Variants in SPATA13 observed in about 807,000 individuals in gnomAD.
SPATA13 encodes spermatogenesis-associated protein 13.
In SPATA13, 50 loss-of-function variants were observed where a neutral mutation model predicts 104.0. The ratio of observed to expected loss-of-function variants is 0.48; its 90% CI spans 0.38 to 0.61. The LOEUF is 0.61. Ranked by LOEUF, SPATA13 falls within the 20% of genes least tolerant of loss-of-function variation. The pLI is 0.00. For missense variants in SPATA13, 1,524 were observed against 1,690.6 expected (o/e 0.90, Z 1.73); for synonymous variants, 606 against 667.5 (o/e 0.91, Z 1.42).
At chr13:24,166,927 CA>C (rs1882757509) in intron 1 of SPATA13, among the ~76,000 whole-genome samples, 1 of 152,238 alleles carries the variant, frequency 6.6e-6, no homozygotes, top group South Asian at 2.1e-4. Flanking sequence ...ATTTCAACAT[CA>C]AAATTTTGGA....
rs192050568 is a variant in SPATA13, at chr13:24,008,215, G to C, written c.-146-9452G>C. On this transcript the variant is annotated intron_variant, in intron 2 of 14. Coordinates refer to the SPATA13 transcript ENST00000424834. ...CATAAAGAGATTTCAGTCACCTAAA[G>C]CTCTTGATGATCAGACCAGGTTATC... 3.3e-5 allele frequency among the ~76,000 whole-genome samples: 5 copies of C among 152,372 alleles called. No individual in the cohort carries two copies. In the East Asian group the frequency reaches 9.7e-4, roughly 29 times the overall value.
At chr13:24,023,260 T>G (rs1466481649) in intron 3 of SPATA13, among the ~76,000 whole-genome samples, 1 of 152,210 alleles carries the variant, frequency 6.6e-6, no homozygotes, top group African/African-American at 2.4e-5. Context: ...GGACATGAAC[T>G]CATCCTTTTT....
rs577514384 is a variant in SPATA13 at position 24,255,722 on chromosome 13, T to C, written c.2164+3860T>C. Among the ~76,000 whole-genome samples, 3 of 152,284 alleles carry C rather than the reference T, an allele frequency of 2.0e-5. No individual in the cohort carries two copies. In the South Asian group the frequency reaches 6.2e-4, roughly 32 times the overall value. On this transcript the variant is annotated intron_variant, in intron 4 of 12. Coordinates refer to ENST00000382108, the MANE Select transcript of SPATA13 (RefSeq NM_001166271.3). ...GTGGTGAGACTCACATGATAGACCA[T>C]CTCTAGCATTTCCATCCCAGTCCTG...
chr13:24,100,350 T>A (rs1880217719), intron 3 of SPATA13, among the ~76,000 whole-genome samples: 1 of 152,220 alleles, frequency 6.6e-6, no homozygotes, highest in South Asian at 2.1e-4. Flanking sequence ...ACTTTCCACT[T>A]TCTCCTGCTG....
At chr13:24,084,562 A>C (rs1339927571) in intron 3 of SPATA13, among the ~76,000 whole-genome samples, 2 of 151,864 alleles carry the variant, frequency 1.3e-5, no homozygotes, top group African/African-American at 2.4e-5. Flanking sequence ...GCAACACTAC[A>C]CAGTTCTTCA....
Position 24,268,086 on chromosome 13 carries a change from A to G in SPATA13, c.2165-16049A>G, listed in dbSNP as rs911806837. Among the ~76,000 whole-genome samples the G allele has an allele frequency of 2.6e-5, 4 of 152,222 alleles. No individual in the cohort carries two copies. The East Asian group carries it at 7.7e-4, about 29-fold the overall frequency. On this transcript the variant is annotated intron_variant, in intron 4 of 12. Coordinates refer to ENST00000382108, the MANE Select transcript of SPATA13 (RefSeq NM_001166271.3). ...GGATACTTTCTTTTGGTGTAGTAAT[A>G]TGTGTTGTCATAAAAAAAGAGCGTC...
intron 3 of SPATA13, among the ~76,000 whole-genome samples, chr13:24,124,555 C>T (rs539935988): frequency 1.3e-5 from 2 of 152,300 alleles, no homozygotes; most frequent in Non-Finnish European, 2.9e-5. Context: ...GTGAGAATGG[C>T]AGTCCTGGAG....
intron 3 of SPATA13, among the ~76,000 whole-genome samples, chr13:24,093,408 G>A (rs1285478778): frequency 1.3e-5 from 2 of 152,186 alleles, no homozygotes; most frequent in African/African-American, 4.8e-5. Context: ...GAGGACGTAT[G>A]GTTAGTGATC....
In SPATA13 at chr13:24,083,214, A is replaced by AC. The variant is rs200809246; in HGVS notation, c.-112+65518dup. 2.6e-5 allele frequency among the ~76,000 whole-genome samples: 4 copies of AC among 152,204 alleles called. No individual in the cohort carries two copies. In the East Asian group the frequency reaches 7.7e-4, roughly 29 times the overall value. On this transcript the variant is annotated intron_variant, in intron 3 of 14. Coordinates refer to the SPATA13 transcript ENST00000424834. ...GTAAGTTCTCTATCAGCCAGTGGAG[A>AC]CCCCCTAGGGCAATAGAATAGAAAG...
At chr13:24,293,905 A>C (rs186353489) in intron 9 of SPATA13, among the ~76,000 whole-genome samples, 178 of 152,322 alleles carry the variant, frequency 1.2e-3, no homozygotes, top group Non-Finnish European at 2.1e-3. Context: ...GGAGGATTCT[A>C]ATTCATTCCA....
At chr13:24,160,979 G>C in intron 1 of SPATA13, 47 bp downstream of exon 1, 1 of 963,092 alleles carries the variant, frequency 1.0e-6, no homozygotes, top group Non-Finnish European at 1.2e-6. Context: ...GCGCGGGCAT[G>C]GGCTGTTAGG....
rs1175226422 is a variant in SPATA13, at chr13:24,300,422, A to G, written c.3605A>G (p.Gln1202Arg). The G allele has an allele frequency of 4.3e-6, 7 of 1,613,462 alleles. No individual in the cohort carries two copies. The highest frequency in any genetic ancestry group is 5.9e-6 in the Non-Finnish European group (7 of 1,179,874). The change falls in exon 12 of 13, where the codon CAG becomes CGG. Residue 1202 changes from glutamine (Q) to arginine (R), a missense_variant. By Grantham distance (43) the Gln-to-Arg change is conservative. Transcript: ENST00000382108. ...GCAGGAATGGAAATTTCAGAAAACC[A>G]GAAGAAACTTGCCATGTTAAATGCT... The part of the protein sequence containing the change: ...KEMGMEISEN[Q>R]KKLAMLNAQK...
intron 3 of SPATA13, among the ~76,000 whole-genome samples, chr13:24,150,947 C>T (rs76233018): frequency 0.015 from 2,322 of 152,188 alleles, 80 homozygotes; most frequent in African/African-American, 0.053. Context: ...GCGCCATGGC[C>T]CAGCCAAATT....
intron 1 of SPATA13, among the ~76,000 whole-genome samples, chr13:24,211,448 G>A (rs1347277958): frequency 6.6e-6 from 1 of 152,148 alleles, no homozygotes; most frequent in African/African-American, 2.4e-5. Context: ...TTTGTTGAGA[G>A]TTTTTATCAT....
At position 24,290,932 on chromosome 13, in the gene SPATA13, C is replaced by G. The variant is rs527252944; in HGVS notation, c.3080+48C>G. 5.5e-6 allele frequency: 8 copies of G among 1,467,556 alleles called. No individual in the cohort carries two copies. In the South Asian group the frequency reaches 9.6e-5, roughly 18 times the overall value. The allele number at this position is 1,467,556 out of a possible 1,614,324, so 90.9% of individuals were successfully genotyped here. A position where few individuals can be genotyped will look rare whatever the true frequency, so the allele number is the denominator to read the frequency against. ...ACAGGTGAGAGCACTGCTGCCATTA[C>G]CCGTAGGCAGCTCTTAACTCCAGGC... On this transcript the variant is annotated intron_variant, in intron 9 of 12. Coordinates refer to ENST00000382108, the MANE Select transcript of SPATA13 (RefSeq NM_001166271.3).
At chr13:24,290,921 T>G (rs1248618249) in intron 9 of SPATA13, 37 bp downstream of exon 9, 1 of 1,535,120 alleles carries the variant, frequency 6.5e-7, no homozygotes, top group East Asian at 2.3e-5. Context: ...GTGAGAGCAC[T>G]GCTGCCATTA....
intron 2 of SPATA13, chr13:24,224,793 T>G (rs1308535739): frequency 4.6e-6 from 3 of 649,140 alleles, no homozygotes; most frequent in Non-Finnish European, 8.6e-6. Context: ...ATTGACAATG[T>G]ACGAGATTCA....
chr13:23,984,730 C>T (rs1875068458), intron 2 of SPATA13, among the ~76,000 whole-genome samples: 1 of 152,176 alleles, frequency 6.6e-6, no homozygotes, highest in Non-Finnish European at 1.5e-5. Context: ...TTTCCTTGAT[C>T]GGTGCTTTCA....
chr13:24,239,832 T>A (rs1181093744), intron 2 of SPATA13, among the ~76,000 whole-genome samples: 1 of 151,962 alleles, frequency 6.6e-6, no homozygotes, highest in Admixed American at 6.5e-5. Flanking sequence ...GTAAGTTCAT[T>A]TTTATAAAAT....
Sources: gnomAD v4.1 joint callset for allele counts (sites outside exome capture counted in the v4.1 genomes callset) on GRCh38, gnomAD v4.1.1 for gene constraint, MANE v1.5 for transcripts, NCBI Gene and HGNC (gene_info 2026-07-23, HGNC 2026-07-21) for gene names.